KIAA1217: variants seen among roughly 807,000 people sequenced by gnomAD.
KIAA1217 encodes the protein sickle tail protein homolog.
KIAA1217 carries 88 observed loss-of-function variants against 163.9 expected under a neutral mutation model. The observed-to-expected ratio is 0.54, with a 90% CI of 0.45 to 0.64. The LOEUF (loss-of-function observed/expected upper bound fraction) is 0.64. KIAA1217 is among the 30% of genes least tolerant of loss of function. KIAA1217 has a pLI of 0.00. For synonymous variants in KIAA1217, 903 were observed against 923.1 expected, an observed-to-expected ratio of 0.98 and a Z score of 0.39; for missense variants, 2,372 against 2,475.0, an observed-to-expected ratio of 0.96 and a Z score of 0.88.
At chr10:23,927,655 AT>A (rs1388466264) in intron 1 of KIAA1217, among the ~76,000 whole-genome samples, 2 of 152,088 alleles carry the variant, frequency 1.3e-5, no homozygotes, top group Non-Finnish European at 2.9e-5. Context: ...TCAGGATGAG[AT>A]TTATAAACCC....
At chr10:24,500,980 T>G (rs571902748) in intron 8 of KIAA1217, among the ~76,000 whole-genome samples, 1 of 152,058 alleles carries the variant, frequency 6.6e-6, no homozygotes, top group Non-Finnish European at 1.5e-5. Context: ...CAGCTGGAGA[T>G]ACCGTTAACA....
chr10:24,114,014 C>T (rs2062956158), intron 2 of KIAA1217, among the ~76,000 whole-genome samples: 1 of 152,222 alleles, frequency 6.6e-6, no homozygotes, highest in African/African-American at 2.4e-5. Context: ...CTGGCCCCAG[C>T]TGTTGGCTTC....
Position 24,546,092 on chromosome 10 carries a change from T to C in KIAA1217, c.5600T>C (p.Leu1867Pro), listed in dbSNP as rs745589185. ...AATGGCTCTTTGAAGTTTCAGAGCC[T>C]CACTCATACAGGTAAAGGTCACCAT... ...VSNGSLKFQS[L>P]THTGKGHHLS... Residue 1867 changes from leucine to proline, a missense_variant, in exon 21 of 21, where the codon CTC (leucine) becomes CCC (proline). By Grantham distance (98) the Leu-to-Pro change is moderately conservative. Around this residue, in one of 3 missense-constraint regions of KIAA1217, gnomAD observed 690 missense variants for 677.5 expected, o/e 1.02. Transcript: ENST00000376454. The C allele has an allele frequency of 6.2e-7, 1 of 1,614,194 alleles. No homozygotes were observed.
At chr10:23,778,017 A>G (rs1286121804) in intron 1 of KIAA1217, among the ~76,000 whole-genome samples, 1 of 150,606 alleles carries the variant, frequency 6.6e-6, no homozygotes, top group East Asian at 2.0e-4. Context: ...ATCTCGGCTC[A>G]CTGTAACCAC....
chr10:24,312,952 G>C (rs553589961), intron 2 of KIAA1217, among the ~76,000 whole-genome samples: 1 of 152,132 alleles, frequency 6.6e-6, no homozygotes, highest in African/African-American at 2.4e-5. Flanking sequence ...AGAGGTATTG[G>C]AAGGCCTTAA....
chr10:24,478,465 G>T (rs1052371711), intron 6 of KIAA1217, among the ~76,000 whole-genome samples: 13 of 152,180 alleles, frequency 8.5e-5, no homozygotes, highest in Admixed American at 8.5e-4. Context: ...TAACATTCTT[G>T]TGATGGTAGG....
intron 1 of KIAA1217, among the ~76,000 whole-genome samples, chr10:23,947,991 G>A (rs983888796): frequency 2.6e-5 from 4 of 152,250 alleles, no homozygotes; most frequent in African/African-American, 4.8e-5. Context: ...GCTCAGAAAC[G>A]TGTCTTCCAC....
chr10:23,867,104 G>A (rs1268996084), intron 1 of KIAA1217, among the ~76,000 whole-genome samples: 4 of 150,818 alleles, frequency 2.7e-5, no homozygotes, highest in African/African-American at 9.8e-5. Context: ...GTGGTGTTTG[G>A]ATTTTTTGTT....
chr10:24,435,694 G>A (rs1159991853), intron 4 of KIAA1217, among the ~76,000 whole-genome samples: 3 of 152,090 alleles, frequency 2.0e-5, no homozygotes, highest in Non-Finnish European at 2.9e-5. Context: ...TGGGAAAGTC[G>A]AGAAGTAGTC....
chr10:24,090,619 C>T (rs756446725), intron 2 of KIAA1217, among the ~76,000 whole-genome samples: 75 of 151,680 alleles, frequency 4.9e-4, no homozygotes, highest in Non-Finnish European at 8.5e-4. Flanking sequence ...GTGAGCATTT[C>T]GAAGAGGAGA....
At chr10:23,837,924 C>A (rs2131058332) in intron 1 of KIAA1217, among the ~76,000 whole-genome samples, 1 of 152,250 alleles carries the variant, frequency 6.6e-6, no homozygotes, top group Non-Finnish European at 1.5e-5. Flanking sequence ...TATAGGGCAA[C>A]TATTTTCGTG....
chr10:24,183,229 G>A (rs1408717728), intron 2 of KIAA1217, among the ~76,000 whole-genome samples: 1 of 152,176 alleles, frequency 6.6e-6, no homozygotes, highest in Non-Finnish European at 1.5e-5. Context: ...GCAGAATGAT[G>A]AGCTAAATAA....
At chr10:23,949,030 G>A (rs1844194816) in intron 1 of KIAA1217, among the ~76,000 whole-genome samples, 1 of 152,048 alleles carries the variant, frequency 6.6e-6, no homozygotes. Context: ...AATAAATAAT[G>A]CAATGTACTC....
intron 1 of KIAA1217, among the ~76,000 whole-genome samples, chr10:23,837,145 T>C (rs1169951368): frequency 6.6e-6 from 1 of 152,212 alleles, no homozygotes; most frequent in Non-Finnish European, 1.5e-5. Context: ...TTTTGCTTAA[T>C]ATAATGGCTT....
At chr10:24,240,023 A>G (rs1018327731) in intron 2 of KIAA1217, among the ~76,000 whole-genome samples, 2 of 152,152 alleles carry the variant, frequency 1.3e-5, no homozygotes, top group Non-Finnish European at 2.9e-5. Context: ...TGGGTGATAA[A>G]GGTAGTTTTT....
chr10:23,818,735 T>A (rs1242207504), intron 1 of KIAA1217, among the ~76,000 whole-genome samples: 1 of 152,118 alleles, frequency 6.6e-6, no homozygotes, highest in Non-Finnish European at 1.5e-5. Context: ...AATTTGTCCT[T>A]TGGCAGGGCT....
At position 23,758,782 on chromosome 10, in the gene KIAA1217, G is replaced by A. The variant is rs1834076201; in HGVS notation, c.-321+63548G>A. 3.3e-5 allele frequency among the ~76,000 whole-genome samples: 5 copies of A among 149,588 alleles called. No individual in the cohort carries two copies. The South Asian group carries it at 1.1e-3, about 32-fold the overall frequency. ...GCTCATTGCAACCTCTGCCTCCTGGGTTCAAGTGATTCTCCTACCTTAGCC... is the reference window on the plus strand; with the variant it reads ...GCTCATTGCAACCTCTGCCTCCTGGATTCAAGTGATTCTCCTACCTTAGCC... On this transcript the variant is annotated intron_variant, in intron 1 of 18. Coordinates refer to the KIAA1217 transcript ENST00000376462.
intron 2 of KIAA1217, among the ~76,000 whole-genome samples, chr10:24,330,516 C>T (rs1285639591): frequency 1.3e-5 from 2 of 152,202 alleles, no homozygotes; most frequent in African/African-American, 4.8e-5. Context: ...CATACATAGG[C>T]TTCCAGAACA....
chr10:24,474,082 C>A (rs753837813), intron 6 of KIAA1217, 22 bp downstream of exon 6: 5 of 1,551,962 alleles, frequency 3.2e-6, no homozygotes, highest in South Asian at 1.2e-5. Flanking sequence ...TGAGGGTGAC[C>A]GAGGGTGGTA....
Sources: gnomAD v4.1 joint callset for allele counts (sites outside exome capture counted in the v4.1 genomes callset) on GRCh38, gnomAD v4.1.1 for gene constraint, gnomAD v4.1.1 regional missense constraint, MANE v1.5 for transcripts, NCBI Gene and HGNC (gene_info 2026-07-23, HGNC 2026-07-21) for gene names.